The following TYROBP variants were observed in gnomAD, a reference collection of about 807,000 sequenced individuals.
TYROBP encodes TYRO protein tyrosine kinase-binding protein.
Under a neutral mutation model 17.1 loss-of-function variants are expected in TYROBP, and 14 were observed. The observed-to-expected ratio is 0.82, with a 90% CI of 0.54 to 1.28. The LOEUF is 1.28. Ranked by LOEUF, TYROBP falls within the 50% of genes most tolerant of loss-of-function variation. The pLI, the probability that TYROBP is intolerant of heterozygous loss-of-function variation, is 0.00. For missense variants in TYROBP, 161 were observed against 151.4 expected, an observed-to-expected ratio of 1.06 and a Z score of -0.33; for synonymous variants, 73 against 67.4, an observed-to-expected ratio of 1.08 and a Z score of -0.41.
chr19:35,904,615 G>C lies in TYROBP; in HGVS notation c.296C>G (p.Ser99Trp), dbSNP rs773078824. The change falls in exon 5 of 5, where the codon TCG (serine) becomes TGG (tryptophan). Residue 99 changes from serine (S) to tryptophan (W), a missense_variant. Physicochemically the swap from Ser to Trp is radical, Grantham distance 177. Coordinates refer to ENST00000262629, the MANE Select transcript of TYROBP (RefSeq NM_003332.4). Reference protein sequence around the residue: ...SPYQELQGQRSDVYSDLNTQR... With the variant: ...SPYQELQGQRWDVYSDLNTQR... ...TGTGTTGAGGTCGCTGTAGACATCC[G>C]ACCTCTGACCCTGGAGCTCCTAAAG... 1.4e-5 allele frequency: 22 copies of C among 1,613,128 alleles called. No individual in the cohort carries two copies. Among genetic ancestry groups the C allele is most frequent in the Non-Finnish European group, 2.5e-6 (3 of 1,179,726 alleles).
intron 4 of TYROBP, among the ~76,000 whole-genome samples, chr19:35,905,680 C>T (rs574376473): frequency 1.3e-5 from 2 of 150,416 alleles, no homozygotes; most frequent in East Asian, 2.0e-4. Context: ...TAAGGCCGGG[C>T]GCGGTGGCTC....
chr19:35,908,177 C>A lies in TYROBP; in HGVS notation c.52G>T (p.Ala18Ser). The change falls in exon 1 of 5, where the codon GCT (alanine) becomes TCT (serine). Residue 18 changes from alanine (A) to serine (S), a missense_variant. By Grantham distance (99) the Ala-to-Ser change is moderately conservative. Coordinates refer to ENST00000262629, the MANE Select transcript of TYROBP (RefSeq NM_003332.4). ...SRLLLLPLLLAVSGLRPVQAQ... is the reference protein window; with the variant it reads ...SRLLLLPLLLSVSGLRPVQAQ... ...GAAGCCCCTAACTCACCACTTACAGCCAGCAGGAGAGGCAGGAGCAGGAGC... is the reference window on the plus strand; with the variant it reads ...GAAGCCCCTAACTCACCACTTACAGACAGCAGGAGAGGCAGGAGCAGGAGC... The A allele has an allele frequency of 6.2e-7, 1 of 1,613,900 alleles. No individual in the cohort carries two copies. Among genetic ancestry groups the A allele is most frequent in the Non-Finnish European group, 8.5e-7 (1 of 1,179,924 alleles).
At position 35,907,202 on chromosome 19, in the gene TYROBP, A is replaced by T. The variant is rs1290533117; in HGVS notation, c.276+16T>A. On this transcript the variant is annotated intron_variant, in intron 4 of 4. Coordinates refer to ENST00000262629, the MANE Select transcript of TYROBP (RefSeq NM_003332.4). ...GGCAGGAGTGAAATGTGAGGAGGACAGTCTGGTTTTCTCACCTGATAAGGC... is the reference window on the plus strand; with the variant it reads ...GGCAGGAGTGAAATGTGAGGAGGACTGTCTGGTTTTCTCACCTGATAAGGC... 8 of 1,595,396 alleles carry T rather than the reference A, an allele frequency of 5.0e-6. No individual in the cohort carries two copies. Among genetic ancestry groups the T allele is most frequent in the Non-Finnish European group, 6.8e-6 (8 of 1,171,150 alleles).
rs866850462 is a variant in TYROBP at position 35,907,464 on chromosome 19, C to T, written c.211G>A (p.Gly71Arg). 6.2e-7 allele frequency: 1 copy of T among 1,613,438 alleles called. No homozygotes were observed. The highest frequency in any genetic ancestry group is 8.5e-7 in the Non-Finnish European group (1 of 1,179,952). ...VYFLGRLVPR[G>R]RGAAEAATRK... ...CACTCACCCTCCGCAGCCCCTCGCC[C>T]CCGAGGGACCAGCCGGCCCAGGAAG... is the stretch of plus-strand genomic sequence containing the variant. Residue 71 changes from glycine (G) to arginine (R), a missense_variant, in exon 3 of 5, where the codon GGG becomes AGG. Coordinates refer to ENST00000262629, the MANE Select transcript of TYROBP (RefSeq NM_003332.4).
intron 4 of TYROBP, among the ~76,000 whole-genome samples, chr19:35,906,625 C>T (rs1413876436): frequency 6.6e-6 from 1 of 151,992 alleles, no homozygotes; most frequent in East Asian, 1.9e-4. Context: ...ATCAGTCGTC[C>T]TAGGGCTGGG....
chr19:35,905,789 C>G (rs1313564451), intron 4 of TYROBP, among the ~76,000 whole-genome samples: 1 of 151,742 alleles, frequency 6.6e-6, no homozygotes, highest in Non-Finnish European at 1.5e-5. Context: ...CCCATCTCTA[C>G]TAAAAATACA....
Position 35,907,748 on chromosome 19 carries a change from G to C in TYROBP, c.76C>G (p.Gln26Glu), listed in dbSNP as rs1568505169. The C allele has an allele frequency of 2.5e-6, 4 of 1,613,808 alleles. No individual in the cohort carries two copies. Among genetic ancestry groups the C allele is most frequent in the Non-Finnish European group, 3.4e-6 (4 of 1,179,808 alleles). The change falls in exon 2 of 5, where the codon CAG becomes GAG. Residue 26 changes from glutamine to glutamate, a missense_variant. Gln to Glu is a conservative substitution (Grantham distance 29, BLOSUM62 2). Coordinates refer to ENST00000262629, the MANE Select transcript of TYROBP (RefSeq NM_003332.4). ...LLAVSGLRPV[Q>E]AQAQSDCSCS... Reference sequence around the variant, plus strand: ...GGCCTACCGCTCTGGGCCTGGGCCTGGACAGGACGGAGACCTGAGGAGGAA... The same window carrying C: ...GGCCTACCGCTCTGGGCCTGGGCCTCGACAGGACGGAGACCTGAGGAGGAA...
intron 4 of TYROBP, 92 bp from the exon 5 acceptor site, chr19:35,904,726 G>T: frequency 1.8e-6 from 2 of 1,133,848 alleles, no homozygotes; most frequent in Non-Finnish European, 2.6e-6. Context: ...AGCTTCTTCA[G>T]CCTTATAGCC....
chr19:35,906,394 A>C (rs1368581756), intron 4 of TYROBP, among the ~76,000 whole-genome samples: 1 of 151,934 alleles, frequency 6.6e-6, no homozygotes, highest in Non-Finnish European at 1.5e-5. Flanking sequence ...TGGCCAAAAA[A>C]AAATTTTTTT....
rs550694639 is a variant in TYROBP, at chr19:35,908,045, G to A, written c.61+123C>T. The A allele has an allele frequency of 2.2e-5, 20 of 904,008 alleles. No individual in the cohort carries two copies. The Admixed American group carries it at 2.6e-4, about 12-fold the overall frequency. 56.0% of individuals were successfully genotyped at this position (904,008 alleles called of 1,614,324 possible). A position where few individuals can be genotyped will look rare whatever the true frequency, so the allele number is the denominator to read the frequency against. On this transcript the variant is annotated intron_variant, in intron 1 of 4. Coordinates refer to ENST00000262629, the MANE Select transcript of TYROBP (RefSeq NM_003332.4). The stretch of plus-strand genomic sequence containing the variant: ...TCTGGGAGAAACCCACAGGCTTTGG[G>A]AGGTTGGGGACCTGCTCCCATCCCA...
In TYROBP at chr19:35,907,438, C is replaced by T; in HGVS notation, c.229+8G>A. On this transcript the variant is annotated splice_region_variant and intron_variant, in intron 3 of 4. Coordinates refer to ENST00000262629, the MANE Select transcript of TYROBP (RefSeq NM_003332.4). ...GTCCTCAGGATGTCCCCTGCTAGCC[C>T]CACTCACCCTCCGCAGCCCCTCGCC... 6.2e-7 allele frequency: 1 copy of T among 1,613,194 alleles called. No individual in the cohort carries two copies. The highest frequency in any genetic ancestry group is 8.5e-7 in the Non-Finnish European group (1 of 1,179,872).
At position 35,907,504 on chromosome 19, in the gene TYROBP, A is replaced by T. The variant is rs570283829; in HGVS notation, c.171T>A (p.Ile57=). The change falls in exon 3 of 5, where the codon ATT becomes ATA. Residue 57 remains isoleucine (I), a synonymous_variant. Coordinates refer to ENST00000262629, the MANE Select transcript of TYROBP (RefSeq NM_003332.4). ...GGCCCAGGAAGTACACGGCCAGGGC[A>T]ATGAGCACTGTCAGCACCAGGTCTC... ...VMGDLVLTVL[I]ALAVYFLGRL... is the part of the protein sequence containing the mutation. 24 of 1,613,468 alleles carry T rather than the reference A, an allele frequency of 1.5e-5. No homozygotes were observed. The highest frequency in any genetic ancestry group is 1.9e-5 in the Non-Finnish European group (23 of 1,179,760).
At chr19:35,905,187 G>A (rs1374140876) in intron 4 of TYROBP, among the ~76,000 whole-genome samples, 2 of 152,102 alleles carry the variant, frequency 1.3e-5, no homozygotes, top group East Asian at 1.9e-4. Flanking sequence ...AGGGCCCCTC[G>A]GTCTTCTGGA....
chr19:35,907,471 G>T lies in TYROBP; in HGVS notation c.204C>A (p.Val68=). ...ALAVYFLGRL[V]PRGRGAAEAA... ...CCTCCGCAGCCCCTCGCCCCCGAGG[G>T]ACCAGCCGGCCCAGGAAGTACACGG... Residue 68 remains valine (V), a synonymous_variant, in exon 3 of 5, where the codon GTC becomes GTA. Transcript: ENST00000262629. 1 of 1,613,384 alleles carries T rather than the reference G, an allele frequency of 6.2e-7. No homozygotes were observed. The highest frequency in any genetic ancestry group is 8.5e-7 in the Non-Finnish European group (1 of 1,179,914).
chr19:35,904,644 T>A lies in TYROBP; in HGVS notation c.277-10A>T. ...TCTGACCCTGGAGCTCCTAAAGGAA[T>A]GGGGGCCATCAGTGGAAGGGACCCA... On this transcript the variant is annotated splice_polypyrimidine_tract_variant and intron_variant, in intron 4 of 4. Coordinates refer to ENST00000262629, the MANE Select transcript of TYROBP (RefSeq NM_003332.4). 1 of 1,611,790 alleles carries A rather than the reference T, an allele frequency of 6.2e-7. No individual in the cohort carries two copies. Among genetic ancestry groups the A allele is most frequent in the South Asian group, 1.1e-5 (1 of 90,484 alleles).
intron 4 of TYROBP, among the ~76,000 whole-genome samples, chr19:35,906,237 C>T (rs1289709404): frequency 1.3e-5 from 2 of 151,612 alleles, no homozygotes; most frequent in Non-Finnish European, 2.9e-5. Context: ...ATTACAGGCG[C>T]ATGACACCAT....
intron 1 of TYROBP, 31 bp downstream of exon 1, chr19:35,908,137 C>T (rs184784706): frequency 6.8e-6 from 11 of 1,606,704 alleles, no homozygotes; most frequent in African/African-American, 2.7e-5. Context: ...CCCAGGGACC[C>T]GGGAGGCAGC....
At chr19:35,906,225 G>T (rs944968015) in intron 4 of TYROBP, among the ~76,000 whole-genome samples, 1 of 151,556 alleles carries the variant, frequency 6.6e-6, no homozygotes, top group Admixed American at 6.6e-5. Flanking sequence ...TGAGAAGCTG[G>T]AATTACAGGC....
rs1306478619 is a variant in TYROBP at position 35,904,515 on chromosome 19, G to C, written c.*54C>G. The C allele has an allele frequency of 6.3e-7, 1 of 1,576,390 alleles. No homozygotes were observed. The highest frequency in any genetic ancestry group is 8.7e-7 in the Non-Finnish European group (1 of 1,149,960). ...GGAGTTGGAATGAGGTGCAGGGTGG[G>C]CTTCAGGAATGGCTGGATCCAGGTA... On this transcript the variant is annotated 3_prime_UTR_variant, in exon 5 of 5. Transcript: ENST00000262629.
Sources: allele counts gnomAD v4.1 joint callset (sites outside exome capture counted in the v4.1 genomes callset), GRCh38; gene constraint gnomAD v4.1.1; transcripts MANE v1.5; gene names NCBI Gene and HGNC (gene_info 2026-07-23, HGNC 2026-07-21).